The following INPP5D variants were observed in gnomAD, a reference collection of about 807,000 sequenced individuals.
INPP5D encodes the protein phosphatidylinositol 3,4,5-trisphosphate 5-phosphatase 1.
In INPP5D, 33 loss-of-function variants were observed where a neutral mutation model predicts 122.9. The ratio of observed to expected loss-of-function variants is 0.27; its 90% CI spans 0.20 to 0.36. INPP5D has a LOEUF of 0.36. INPP5D is among the 10% of genes least tolerant of loss of function. The pLI, the probability that INPP5D is intolerant of heterozygous loss-of-function variation, is 1.00. For missense variants in INPP5D, 1,053 were observed against 1,412.7 expected (o/e 0.75, Z 4.08); for synonymous variants, 584 against 576.2 (o/e 1.01, Z -0.19).
chr2:233,128,788 A>G lies in INPP5D; in HGVS notation c.525-1720A>G, dbSNP rs1693238351. On this transcript the variant is annotated intron_variant, in intron 4 of 26. Transcript: ENST00000445964. This position sits in a 1 kb window ranked among gnomAD's most constrained non-coding sequence, Gnocchi z 4.5. ...CCACCATGCCTGGCAATTCCTGTCC[A>G]ATCTTAAGAGCAACGGCTTTTCATT... is the stretch of plus-strand genomic sequence containing the variant. 6.6e-6 allele frequency among the ~76,000 whole-genome samples: 1 copy of G among 152,168 alleles called. No individual in the cohort carries two copies. Among genetic ancestry groups the G allele is most frequent in the Admixed American group, 6.6e-5 (1 of 15,264 alleles).
At chr2:233,123,452 C>CAAAAAA (rs34144613) in intron 3 of INPP5D, among the ~76,000 whole-genome samples, 2 of 117,754 alleles carry the variant, frequency 1.7e-5, no homozygotes, top group African/African-American at 6.7e-5. Flanking sequence ...GACTCCGTCT[C>CAAAAAA]AAAAAAAAAA....
chr2:233,165,637 AGT>A (rs1270463926), intron 13 of INPP5D, among the ~76,000 whole-genome samples: 1 of 142,276 alleles, frequency 7.0e-6, no homozygotes, highest in Non-Finnish European at 1.5e-5. Flanking sequence ...CGTATCTATG[AGT>A]GTGTGAGAGT....
intron 18 of INPP5D, among the ~76,000 whole-genome samples, chr2:233,181,522 C>T (rs1694782853): frequency 6.6e-6 from 1 of 152,164 alleles, no homozygotes; most frequent in African/African-American, 2.4e-5. Context: ...CATCTCCAGC[C>T]TTGAGTGCCC....
At chr2:233,166,745 A>G (rs1279589018) in intron 13 of INPP5D, among the ~76,000 whole-genome samples, 3 of 152,140 alleles carry the variant, frequency 2.0e-5, no homozygotes, top group Admixed American at 6.5e-5. Flanking sequence ...AGCACTTTGG[A>G]AGGCCGAGGC....
rs1211151749 is a variant in INPP5D at position 233,105,941 on chromosome 2, A to G, written c.199-16166A>G. 6.6e-6 allele frequency among the ~76,000 whole-genome samples: 1 copy of G among 152,194 alleles called. No homozygotes were observed. Reference sequence around the variant, plus strand: ...ACTGGGAGGTCAGAGAGCAGTCGCTATGGGAATGAGCATGTGGAACTTGAC... The same window carrying G: ...ACTGGGAGGTCAGAGAGCAGTCGCTGTGGGAATGAGCATGTGGAACTTGAC... On this transcript the variant is annotated intron_variant, in intron 2 of 26. Transcript: ENST00000445964. The surrounding 1 kb of genome is among the most constrained non-coding windows in gnomAD (Gnocchi z 4.0).
In INPP5D at chr2:233,146,352, C is replaced by T. The variant is rs1160264487; in HGVS notation, c.835-15C>T. 3.4e-5 allele frequency: 24 copies of T among 704,182 alleles called. No homozygotes were observed. The highest frequency in any genetic ancestry group is 3.0e-4 in the Admixed American group (15 of 50,006). 43.6% of individuals were successfully genotyped at this position (704,182 alleles called of 1,614,324 possible). The stretch of plus-strand genomic sequence containing the variant: ...CGTCCCCTTGACCCTCTGTCTCTAA[C>T]GCTGCTGCCCACAGGTCAAGGCCTT... On this transcript the variant is annotated splice_polypyrimidine_tract_variant and intron_variant, in intron 7 of 26. Coordinates refer to ENST00000445964, the MANE Select transcript of INPP5D (RefSeq NM_001017915.3).
At chr2:233,178,472 T>TTATC (rs1299765683) in intron 18 of INPP5D, among the ~76,000 whole-genome samples, 4 of 150,340 alleles carry the variant, frequency 2.7e-5, no homozygotes, top group African/African-American at 9.8e-5. Context: ...ATTTATTTAT[T>TTATC]TATTTATTTA....
chr2:233,154,156 T>TG (rs1400875365), intron 9 of INPP5D, among the ~76,000 whole-genome samples: 1 of 108,538 alleles, frequency 9.2e-6, no homozygotes, highest in African/African-American at 4.0e-5. Context: ...AAATTCTTTT[T>TG]GTTTTTTTTG....
chr2:233,085,469 C>T (rs1312328291), intron 2 of INPP5D, among the ~76,000 whole-genome samples: 2 of 151,890 alleles, frequency 1.3e-5, no homozygotes, highest in African/African-American at 2.4e-5. Context: ...CCTATAGAGG[C>T]GACCCATTTT....
chr2:233,155,014 G>A (rs1297043644), intron 9 of INPP5D, among the ~76,000 whole-genome samples: 1 of 152,166 alleles, frequency 6.6e-6, no homozygotes, highest in Non-Finnish European at 1.5e-5. Flanking sequence ...GTGAGCCACT[G>A]CACCCAGCCT....
chr2:233,117,412 C>G (rs1277911087), intron 2 of INPP5D, among the ~76,000 whole-genome samples: 2 of 152,216 alleles, frequency 1.3e-5, no homozygotes, highest in African/African-American at 2.4e-5. Context: ...CTGCCCCCTG[C>G]TTTCTCATTG....
rs1011349896 is a variant in INPP5D, at chr2:233,164,166, G to T, written c.1438-141G>T. ...TGTTTTGTCTCGCCTATCAAGCATC[G>T]CTGGGAGTCCCCCGAAGGGTTGGGA... On this transcript the variant is annotated intron_variant, in intron 12 of 26. Coordinates refer to ENST00000445964, the MANE Select transcript of INPP5D (RefSeq NM_001017915.3). The surrounding 1 kb of genome is among the most constrained non-coding windows in gnomAD (Gnocchi z 4.3). 1.3e-5 allele frequency: 19 copies of T among 1,423,204 alleles called. No individual in the cohort carries two copies. The highest frequency in any genetic ancestry group is 1.7e-5 in the Non-Finnish European group (18 of 1,085,842). The allele number at this position is 1,423,204 out of a possible 1,614,324, so 88.2% of individuals were successfully genotyped here. A position where few individuals can be genotyped will look rare whatever the true frequency, so the allele number is the denominator to read the frequency against.
chr2:233,182,420 C>G lies in INPP5D; in HGVS notation c.2082C>G (p.Ser694Arg). ...HVVCQSYGST[S>R]DIMTSDHSPV... ...TTCCCTCCCCTGCAGGCAGTACCAG[C>G]GACATCATGACGAGTGACCACAGCC... The change falls in exon 19 of 27, where the codon AGC (serine) becomes AGG (arginine). Residue 694 changes from serine to arginine, a missense_variant. Ser to Arg is a moderately radical substitution (Grantham distance 110). Around this residue, in one of 6 missense-constraint regions of INPP5D, gnomAD observed 258 missense variants for 439.1 expected, o/e 0.59. Transcript: ENST00000445964. 6.2e-7 allele frequency: 1 copy of G among 1,613,590 alleles called. No individual in the cohort carries two copies.
At chr2:233,166,956 C>T (rs1040194153) in intron 13 of INPP5D, among the ~76,000 whole-genome samples, 3 of 151,530 alleles carry the variant, frequency 2.0e-5, no homozygotes, top group Non-Finnish European at 4.4e-5. Context: ...TGCACTCCAG[C>T]CTGGGTGACA....
chr2:233,136,270 G>C (rs916401612), intron 5 of INPP5D, among the ~76,000 whole-genome samples: 1 of 152,218 alleles, frequency 6.6e-6, no homozygotes, highest in African/African-American at 2.4e-5. Context: ...TTGAGGTCAG[G>C]AGTTCGAGAC....
At position 233,153,556 on chromosome 2, in the gene INPP5D, C is replaced by A. The variant is rs150839684; in HGVS notation, c.1031-4757C>A. ...AAGCAGGTGGAAGAAAAAACAGAGA[C>A]ACTGACTCACACAAAACCCACAAAG... On this transcript the variant is annotated intron_variant, in intron 9 of 26. Transcript: ENST00000445964. 1.6e-3 allele frequency among the ~76,000 whole-genome samples: 244 copies of A among 152,312 alleles called. 3 individuals carry two copies. In the East Asian group the frequency reaches 0.027, roughly 17 times the overall value.
intron 10 of INPP5D, among the ~76,000 whole-genome samples, chr2:233,159,504 C>A (rs1477219788): frequency 6.7e-6 from 1 of 150,100 alleles, no homozygotes; most frequent in African/African-American, 2.4e-5. Flanking sequence ...TCGAGACTAG[C>A]CTGTGCAAGA....
Position 233,163,909 on chromosome 2 carries a change from C to CAGCT in INPP5D, c.1437+7_1437+10dup. The CAGCT allele has an allele frequency of 6.2e-7, 1 of 1,612,960 alleles. No individual in the cohort carries two copies. Among genetic ancestry groups the CAGCT allele is most frequent in the Admixed American group, 1.7e-5 (1 of 59,932 alleles). ...CCAGTGTGACTTTTAAAACAGTGAG[C>CAGCT]AGCTGGCTGCACGCTGGGTGGGCTT... On this transcript the variant is annotated splice_region_variant and intron_variant, in intron 12 of 26. Transcript: ENST00000445964.
intron 11 of INPP5D, among the ~76,000 whole-genome samples, chr2:233,163,014 C>T (rs933650206): frequency 6.6e-6 from 1 of 152,106 alleles, no homozygotes; most frequent in African/African-American, 2.4e-5. Flanking sequence ...CCCGGGGGTT[C>T]GGGCACCCAC....
Sources: allele counts gnomAD v4.1 joint callset (sites outside exome capture counted in the v4.1 genomes callset), GRCh38; gene constraint gnomAD v4.1.1; regional missense constraint gnomAD v4.1.1; non-coding constraint Gnocchi (gnomAD v3.1); transcripts MANE v1.5; gene names NCBI Gene and HGNC (gene_info 2026-07-23, HGNC 2026-07-21).